ACTN1: variants seen among roughly 807,000 people sequenced by gnomAD.
The protein encoded by ACTN1 is actinin alpha 1.
A neutral mutation model predicts 119.6 loss-of-function variants in ACTN1; 30 were observed. That is an observed-to-expected ratio of 0.25 (90% confidence interval 0.19 to 0.34). The LOEUF is 0.34. ACTN1 is among the 10% of genes least tolerant of loss of function. The probability of loss-of-function intolerance (pLI) is 1.00; values close to 1 mark genes in which losing one functional copy is unlikely to be tolerated. For missense variants in ACTN1, 764 were observed against 1,223.4 expected (o/e 0.62, Z 5.60); for synonymous variants, 429 against 472.6 (o/e 0.91, Z 1.20).
At chr14:68,875,196 C>A in intron 21 of ACTN1, 179 bp from the exon 22 acceptor site, 1 of 1,456,294 alleles carries the variant, frequency 6.9e-7, no homozygotes, top group Non-Finnish European at 9.1e-7. Flanking sequence ...ACCGCATACA[C>A]AACATGTATT....
intron 1 of ACTN1, among the ~76,000 whole-genome samples, chr14:68,971,875 C>A (rs2036899193): frequency 6.6e-6 from 1 of 152,220 alleles, no homozygotes; most frequent in Admixed American, 6.5e-5. Context: ...TCTTTGGCTG[C>A]CTTTTATTCT....
chr14:68,907,302 G>A (rs1005856836), intron 6 of ACTN1, among the ~76,000 whole-genome samples: 18 of 141,644 alleles, frequency 1.3e-4, no homozygotes, highest in Admixed American at 2.2e-4. Context: ...GGTGGGTCAC[G>A]CCTGTAATCC....
At chr14:68,978,840 C>G in intron 1 of ACTN1, 112 bp downstream of exon 1, 3 of 648,496 alleles carry the variant, frequency 4.6e-6, no homozygotes, top group Middle Eastern at 4.5e-4. Context: ...CGCCCCCTCC[C>G]GTGCGCGCCC....
chr14:68,952,941 C>G (rs1428954513), intron 1 of ACTN1, among the ~76,000 whole-genome samples: 1 of 152,168 alleles, frequency 6.6e-6, no homozygotes, highest in East Asian at 1.9e-4. Flanking sequence ...CCTCCACCAC[C>G]AGTGACGCCA....
chr14:68,956,396 T>A (rs1266812317), intron 1 of ACTN1, among the ~76,000 whole-genome samples: 1 of 152,192 alleles, frequency 6.6e-6, no homozygotes, highest in Non-Finnish European at 1.5e-5. Flanking sequence ...GAAGCAATAA[T>A]ATTCCTCCAG....
chr14:68,940,539 G>A (rs912765796), intron 1 of ACTN1, among the ~76,000 whole-genome samples: 2 of 151,906 alleles, frequency 1.3e-5, no homozygotes, highest in African/African-American at 4.8e-5. Context: ...TTACGGTAGG[G>A]GCTCAAAAAT....
chr14:68,931,723 A>T (rs2035228737), intron 1 of ACTN1, among the ~76,000 whole-genome samples: 1 of 152,158 alleles, frequency 6.6e-6, no homozygotes, highest in South Asian at 2.1e-4. Flanking sequence ...GCACGTGGAA[A>T]ATGCTAAGCA....
At chr14:68,898,197 T>C (rs1221729446) in intron 8 of ACTN1, among the ~76,000 whole-genome samples, 1 of 152,214 alleles carries the variant, frequency 6.6e-6, no homozygotes, top group Non-Finnish European at 1.5e-5. Flanking sequence ...GTGTTCTTTC[T>C]CAGAAACAGC....
chr14:68,907,958 T>A (rs183222474), intron 6 of ACTN1, among the ~76,000 whole-genome samples: 18 of 151,898 alleles, frequency 1.2e-4, no homozygotes, highest in Non-Finnish European at 2.4e-4. Flanking sequence ...ATATTCCCCC[T>A]TGGCCACGTT....
intron 1 of ACTN1, among the ~76,000 whole-genome samples, chr14:68,937,089 G>T (rs549313365): frequency 1.7e-4 from 26 of 152,224 alleles, no homozygotes; most frequent in African/African-American, 6.0e-4. Context: ...CCTGGTGACA[G>T]TTATCAGCTT....
At chr14:68,947,441 G>A (rs949481156) in intron 1 of ACTN1, 7 of 152,210 alleles carry the variant, frequency 4.6e-5, no homozygotes, top group Admixed American at 2.0e-4. Flanking sequence ...AAGACAGATT[G>A]TCTTTTTACA....
intron 3 of ACTN1, among the ~76,000 whole-genome samples, chr14:68,913,813 C>T (rs1406463528): frequency 6.6e-6 from 1 of 152,210 alleles, no homozygotes; most frequent in Non-Finnish European, 1.5e-5. Flanking sequence ...CATCCAAATG[C>T]TTGGGTTGGA....
At chr14:68,928,068 T>C (rs533583110) in intron 1 of ACTN1, among the ~76,000 whole-genome samples, 1 of 152,300 alleles carries the variant, frequency 6.6e-6, no homozygotes, top group South Asian at 2.1e-4. Flanking sequence ...TCAGGTCCAA[T>C]GTGGCCTGAA....
rs2033881694 is a variant in ACTN1, at chr14:68,909,633, A to G, written c.516-237T>C. On this transcript the variant is annotated intron_variant, in intron 5 of 21. Transcript: ENST00000394419. The surrounding 1 kb of genome is among the most constrained non-coding windows in gnomAD (Gnocchi z 4.1). ...AGATAAACCTGCCATATCCAGCCCT[A>G]CCCCCGACCAAGGCCTATGGCCCTA... Among the ~76,000 whole-genome samples, 2 of 152,022 alleles carry G rather than the reference A, an allele frequency of 1.3e-5. No individual in the cohort carries two copies. The highest frequency in any genetic ancestry group is 1.5e-5 in the Non-Finnish European group (1 of 67,988).
intron 3 of ACTN1, among the ~76,000 whole-genome samples, chr14:68,916,606 G>A (rs1208719447): frequency 6.6e-6 from 1 of 152,160 alleles, no homozygotes; most frequent in Non-Finnish European, 1.5e-5. Flanking sequence ...GGCAGGTCCT[G>A]TATACCGGGC....
Position 68,885,677 on chromosome 14 carries a change from G to T in ACTN1, c.1235-102C>A. Reference sequence around the variant, plus strand: ...CCCCAGGAGCTCCACTTCTGGGGGTGCTTCTCAAGGAGGTGCCCATTGTGC... The same window carrying T: ...CCCCAGGAGCTCCACTTCTGGGGGTTCTTCTCAAGGAGGTGCCCATTGTGC... On this transcript the variant is annotated intron_variant, in intron 11 of 21. Coordinates refer to ENST00000394419, the MANE Select transcript of ACTN1 (RefSeq NM_001130004.2). This position sits in a 1 kb window ranked among gnomAD's most constrained non-coding sequence, Gnocchi z 5.6. The T allele has an allele frequency of 7.4e-7, 1 of 1,353,972 alleles. No homozygotes were observed. The highest frequency in any genetic ancestry group is 1.0e-6 in the Non-Finnish European group (1 of 996,614). 83.9% of individuals were successfully genotyped at this position (1,353,972 alleles called of 1,614,324 possible).
chr14:68,925,546 G>C lies in ACTN1; in HGVS notation c.220+12C>G. On this transcript the variant is annotated intron_variant, in intron 2 of 21. Transcript: ENST00000394419. The surrounding 1 kb of genome is among the most constrained non-coding windows in gnomAD (Gnocchi z 4.3). ...TAGACAGTATCTCGTCCTGGGCCAG[G>C]TTCCGCCTCACCTGAGATGACCTCC... 1.9e-6 allele frequency: 3 copies of C among 1,607,186 alleles called. No homozygotes were observed. The highest frequency in any genetic ancestry group is 2.6e-6 in the Non-Finnish European group (3 of 1,175,248).
At chr14:68,875,102 C>A in intron 21 of ACTN1, 85 bp from the exon 22 acceptor site, 1 of 1,579,392 alleles carries the variant, frequency 6.3e-7, no homozygotes, top group African/African-American at 1.3e-5. Context: ...AGCCTGGCGG[C>A]GTGAAGGCAG....
In ACTN1 at chr14:68,885,297, C is replaced by T. The variant is rs1480977721; in HGVS notation, c.1385+128G>A. The T allele has an allele frequency of 1.6e-6, 2 of 1,260,188 alleles. No homozygotes were observed. The highest frequency in any genetic ancestry group is 3.0e-5 in the African/African-American group (2 of 66,452). 78.1% of individuals were successfully genotyped at this position (1,260,188 alleles called of 1,614,324 possible). On this transcript the variant is annotated intron_variant, in intron 12 of 21. Transcript: ENST00000394419. The surrounding 1 kb of genome is among the most constrained non-coding windows in gnomAD (Gnocchi z 5.6). The stretch of plus-strand genomic sequence containing the variant: ...TATTTGTCTCCTGCGTTGACTCCCT[C>T]CCCACCTGGGCACCCACCTGTACCC...
Sources: gnomAD v4.1 joint callset for allele counts (sites outside exome capture counted in the v4.1 genomes callset) on GRCh38, gnomAD v4.1.1 for gene constraint, Gnocchi (gnomAD v3.1) non-coding constraint, MANE v1.5 for transcripts, NCBI Gene and HGNC (gene_info 2026-07-23, HGNC 2026-07-21) for gene names.